PDE9A: variants seen among roughly 807,000 people sequenced by gnomAD.
PDE9A encodes high affinity cGMP-specific 3',5'-cyclic phosphodiesterase 9A.
In PDE9A, 60 loss-of-function variants were observed where a neutral mutation model predicts 87.4. That is an observed-to-expected ratio of 0.69 (90% CI 0.56 to 0.85). PDE9A has a LOEUF of 0.85. PDE9A is among the 40% of genes least tolerant of loss of function. The pLI, the probability that PDE9A is intolerant of heterozygous loss-of-function variation, is 0.00. For missense variants in PDE9A, 665 were observed against 779.0 expected, an observed-to-expected ratio of 0.85 and a Z score of 1.74; for synonymous variants, 272 against 279.4, an observed-to-expected ratio of 0.97 and a Z score of 0.27.
At chr21:42,724,700 A>G in intron 4 of PDE9A, 1 of 595,636 alleles carries the variant, frequency 1.7e-6, no homozygotes, top group South Asian at 7.3e-5. Context: ...TTGTGTCTGT[A>G]CCCTTCCTGA....
chr21:42,667,223 G>T (rs1163960947), intron 1 of PDE9A, among the ~76,000 whole-genome samples: 1 of 152,190 alleles, frequency 6.6e-6, no homozygotes. Context: ...TTGGATGAGG[G>T]GGTCCAACTT....
chr21:42,669,947 C>A (rs892674057), intron 1 of PDE9A, among the ~76,000 whole-genome samples: 2 of 152,154 alleles, frequency 1.3e-5, no homozygotes, highest in African/African-American at 4.8e-5. Flanking sequence ...GTGGGCATGC[C>A]AGCATCACCT....
At chr21:42,770,400 G>A (rs556862779) in intron 17 of PDE9A, among the ~76,000 whole-genome samples, 2 of 152,304 alleles carry the variant, frequency 1.3e-5, no homozygotes, top group Non-Finnish European at 2.9e-5. Context: ...CCGGGAGGCT[G>A]TCAGCTCCTT....
At chr21:42,670,553 C>T (rs914556650) in intron 1 of PDE9A, among the ~76,000 whole-genome samples, 3 of 151,870 alleles carry the variant, frequency 2.0e-5, no homozygotes, top group Admixed American at 6.6e-5. Flanking sequence ...TACACTTACC[C>T]ACACATTCAC....
At chr21:42,731,177 C>T (rs543609340) in intron 4 of PDE9A, among the ~76,000 whole-genome samples, 27 of 152,126 alleles carry the variant, frequency 1.8e-4, no homozygotes, top group Non-Finnish European at 3.2e-4. Context: ...AGGCTGGTCT[C>T]GAACTCCCGA....
chr21:42,766,024 G>A (rs1177441302), intron 15 of PDE9A, among the ~76,000 whole-genome samples: 1 of 152,172 alleles, frequency 6.6e-6, no homozygotes, highest in Non-Finnish European at 1.5e-5. Flanking sequence ...GAAAGGACAG[G>A]CACTGGGCAC....
At chr21:42,688,440 G>A (rs2059598382) in intron 3 of PDE9A, among the ~76,000 whole-genome samples, 1 of 152,174 alleles carries the variant, frequency 6.6e-6, no homozygotes, top group African/African-American at 2.4e-5. Flanking sequence ...GCACAGAAGG[G>A]CCAGGGACAA....
Position 42,702,903 on chromosome 21 carries a change from G to A in PDE9A, c.262+3892G>A, listed in dbSNP as rs922718012. 5.9e-5 allele frequency among the ~76,000 whole-genome samples: 9 copies of A among 152,246 alleles called. No homozygotes were observed. Among genetic ancestry groups the A allele is most frequent in the Non-Finnish European group, 1.0e-4 (7 of 68,048 alleles). On this transcript the variant is annotated intron_variant, in intron 4 of 19. Transcript: ENST00000291539. This position sits in a 1 kb window ranked among gnomAD's most constrained non-coding sequence, Gnocchi z 4.9. ...AGCTATTAGAAGGCTTTCAGGAGAGGAGTGACATCATCACATTTGTGTTTT... is the reference window on the plus strand; with the variant it reads ...AGCTATTAGAAGGCTTTCAGGAGAGAAGTGACATCATCACATTTGTGTTTT...
chr21:42,754,769 G>A (rs1406926832), intron 10 of PDE9A, among the ~76,000 whole-genome samples: 1 of 152,172 alleles, frequency 6.6e-6, no homozygotes, highest in Non-Finnish European at 1.5e-5. Context: ...ATAAATGGGG[G>A]ATTGTCTTTT....
At chr21:42,761,054 T>C in intron 13 of PDE9A, 147 bp downstream of exon 13, 1 of 671,136 alleles carries the variant, frequency 1.5e-6, no homozygotes, top group Non-Finnish European at 2.7e-6. Flanking sequence ...CTGACACAGC[T>C]CCTGGCTTCT....
rs370830463 is a variant in PDE9A at position 42,775,342 on chromosome 21, G to A, written c.*49G>A. Reference sequence around the variant, plus strand: ...GTTCTGGACGGGCTGGCCGAGCTGCGCGGGATCCTTGTGCAGGGAAGAGCT... The same window carrying A: ...GTTCTGGACGGGCTGGCCGAGCTGCACGGGATCCTTGTGCAGGGAAGAGCT... On this transcript the variant is annotated 3_prime_UTR_variant, in exon 20 of 20. Transcript: ENST00000291539. The A allele has an allele frequency of 1.5e-5, 24 of 1,590,064 alleles. No individual in the cohort carries two copies. In the African/African-American group the frequency reaches 1.8e-4, roughly 12 times the overall value.
chr21:42,743,339 T>C (rs1283153385), intron 7 of PDE9A, among the ~76,000 whole-genome samples: 2 of 152,280 alleles, frequency 1.3e-5, no homozygotes, highest in African/African-American at 2.4e-5. Flanking sequence ...TAATCCTTGC[T>C]GAAAACGCTT....
intron 1 of PDE9A, among the ~76,000 whole-genome samples, chr21:42,668,207 C>T (rs984028813): frequency 1.3e-5 from 2 of 152,122 alleles, no homozygotes; most frequent in Admixed American, 6.5e-5. Flanking sequence ...GAGGGGCTGC[C>T]GCCTGGGTCC....
intron 8 of PDE9A, among the ~76,000 whole-genome samples, chr21:42,745,838 A>T (rs2053791850): frequency 6.6e-6 from 1 of 152,200 alleles, no homozygotes; most frequent in Non-Finnish European, 1.5e-5. Flanking sequence ...CGAGGGGAAG[A>T]GGACAAAAAC....
At position 42,720,425 on chromosome 21, in the gene PDE9A, C is replaced by T. The variant is rs899996716; in HGVS notation, c.263-11345C>T. ...AGGAGAATCGCTTGAACCTGGGAGGCGGAGGTTGCGGTGAGCCGAGATCAT... is the reference window on the plus strand; with the variant it reads ...AGGAGAATCGCTTGAACCTGGGAGGTGGAGGTTGCGGTGAGCCGAGATCAT... On this transcript the variant is annotated intron_variant, in intron 4 of 19. Coordinates refer to ENST00000291539, the MANE Select transcript of PDE9A (RefSeq NM_002606.3). Among the ~76,000 whole-genome samples the T allele has an allele frequency of 6.6e-5, 10 of 152,012 alleles. No individual in the cohort carries two copies. The South Asian group carries it at 1.0e-3, about 16-fold the overall frequency.
At position 42,723,974 on chromosome 21, in the gene PDE9A, CATA is replaced by C. The variant is rs755175280; in HGVS notation, c.263-7792_263-7790del. Among the ~76,000 whole-genome samples, 1 of 152,196 alleles carries C rather than the reference CATA, an allele frequency of 6.6e-6. No individual in the cohort carries two copies. Among genetic ancestry groups the C allele is most frequent in the Non-Finnish European group, 1.5e-5 (1 of 68,036 alleles). On this transcript the variant is annotated intron_variant, in intron 4 of 19. Transcript: ENST00000291539. The surrounding 1 kb of genome is among the most constrained non-coding windows in gnomAD (Gnocchi z 4.3). Reference sequence around the variant, plus strand: ...TTAGGAAAAAGAGGGAGGTGTCACACATAATATCAAATTTGGCTGACACAAGGT... The same window carrying C: ...TTAGGAAAAAGAGGGAGGTGTCACACATATCAAATTTGGCTGACACAAGGT...
chr21:42,767,422 G>A lies in PDE9A; in HGVS notation c.1357-766G>A, dbSNP rs1465732854. On this transcript the variant is annotated intron_variant, in intron 15 of 19. Coordinates refer to ENST00000291539, the MANE Select transcript of PDE9A (RefSeq NM_002606.3). ...AGAGGAGTCAAAGAAAGGCCTGAAT[G>A]GCTTCCTGGGAACTGATAGGGCAGG... 9.2e-5 allele frequency among the ~76,000 whole-genome samples: 14 copies of A among 152,268 alleles called. No individual in the cohort carries two copies. In the East Asian group the frequency reaches 2.7e-3, roughly 30 times the overall value.
At chr21:42,697,939 C>G (rs1421160558) in intron 3 of PDE9A, among the ~76,000 whole-genome samples, 2 of 152,186 alleles carry the variant, frequency 1.3e-5, no homozygotes, top group African/African-American at 4.8e-5. Flanking sequence ...CACAGACTGA[C>G]CCATCCAGAC....
chr21:42,663,593 T>A (rs760347486), intron 1 of PDE9A, among the ~76,000 whole-genome samples: 2 of 150,734 alleles, frequency 1.3e-5, no homozygotes, highest in Non-Finnish European at 2.9e-5. Context: ...CAGACAGGCC[T>A]GGCAGTGCCC....
Sources: allele counts gnomAD v4.1 joint callset (sites outside exome capture counted in the v4.1 genomes callset), GRCh38; gene constraint gnomAD v4.1.1; non-coding constraint Gnocchi (gnomAD v3.1); transcripts MANE v1.5; gene names NCBI Gene and HGNC (gene_info 2026-07-23, HGNC 2026-07-21).